The following PRKN variants were observed in gnomAD, a reference collection of about 807,000 sequenced individuals.
The protein encoded by PRKN is parkin RBR E3 ubiquitin protein ligase.
Under a neutral mutation model 59.5 loss-of-function variants are expected in PRKN, and 56 were observed. That is an observed-to-expected ratio of 0.94 (90% CI 0.76 to 1.18). The LOEUF (loss-of-function observed/expected upper bound fraction) is 1.18. PRKN is among the 50% of genes most tolerant of loss of function. PRKN has a pLI of 0.00. For missense variants in PRKN, 657 were observed against 596.4 expected (o/e 1.10, Z -1.06); for synonymous variants, 250 against 222.1 (o/e 1.13, Z -1.12).
At position 162,193,977 on chromosome 6, in the gene PRKN, T is replaced by G. The variant is rs573994244; in HGVS notation, c.534+7154A>C. Among the ~76,000 whole-genome samples the G allele has an allele frequency of 1.3e-4, 20 of 152,252 alleles. 1 individual carries two copies. The highest frequency in any genetic ancestry group is 1.2e-3 in the Admixed American group (18 of 15,282). On this transcript the variant is annotated intron_variant, in intron 4 of 11. Coordinates refer to ENST00000366898, the MANE Select transcript of PRKN (RefSeq NM_004562.3). Reference sequence around the variant, plus strand: ...ATAAAATACAGAAGATCCTAAAAGCTGATTAAAAGAAACATATTTTTGGTA... The same window carrying G: ...ATAAAATACAGAAGATCCTAAAAGCGGATTAAAAGAAACATATTTTTGGTA...
At chr6:161,842,347 C>T (rs1333736454) in intron 6 of PRKN, among the ~76,000 whole-genome samples, 1 of 151,686 alleles carries the variant, frequency 6.6e-6, no homozygotes, top group African/African-American at 2.4e-5. Flanking sequence ...AGCTAGGCAC[C>T]TGTAATCCCA....
At chr6:162,263,867 T>C (rs1043795847) in intron 2 of PRKN, among the ~76,000 whole-genome samples, 3 of 151,814 alleles carry the variant, frequency 2.0e-5, no homozygotes, top group African/African-American at 4.8e-5. Flanking sequence ...GGCAGGAGGA[T>C]CACTTGAACG....
At chr6:161,751,028 A>G (rs950742051) in intron 7 of PRKN, among the ~76,000 whole-genome samples, 2 of 152,204 alleles carry the variant, frequency 1.3e-5, no homozygotes, top group African/African-American at 4.8e-5. Context: ...TTCTCCCTAA[A>G]TATCATATAC....
intron 5 of PRKN, among the ~76,000 whole-genome samples, chr6:162,010,585 TATATATA>T (rs1782513771): frequency 1.7e-4 from 1 of 5,730 alleles, no homozygotes. Flanking sequence ...TGTATTATAT[TATATATA>T]ATATAATATA....
intron 2 of PRKN, among the ~76,000 whole-genome samples, chr6:162,356,549 G>C (rs561132798): frequency 6.7e-6 from 1 of 149,884 alleles, no homozygotes; most frequent in Non-Finnish European, 1.5e-5. Context: ...TTTTTTGCTT[G>C]GTCAAAACAA....
intron 4 of PRKN, among the ~76,000 whole-genome samples, chr6:162,140,505 T>A (rs1781732217): frequency 6.6e-6 from 1 of 152,120 alleles, no homozygotes; most frequent in Non-Finnish European, 1.5e-5. Flanking sequence ...AGAATGTGTG[T>A]GTGTATATGT....
chr6:161,779,778 AT>A (rs1183539737), intron 7 of PRKN, among the ~76,000 whole-genome samples: 2 of 151,906 alleles, frequency 1.3e-5, no homozygotes, highest in African/African-American at 4.8e-5. Flanking sequence ...TTTTGTTATC[AT>A]TTTATTTTAT....
In PRKN at chr6:161,413,501, G is replaced by A. The variant is rs1787688506; in HGVS notation, c.1084-26624C>T. Among the ~76,000 whole-genome samples the A allele has an allele frequency of 6.6e-6, 1 of 152,226 alleles. No individual in the cohort carries two copies. The highest frequency in any genetic ancestry group is 2.4e-5 in the African/African-American group (1 of 41,450). ...ATGGAAGCCAAGTGGGCATGCTGCA[G>A]TGAGAACTGGGGGAGAAGGCCGGAA... On this transcript the variant is annotated intron_variant, in intron 9 of 11. Coordinates refer to ENST00000366898, the MANE Select transcript of PRKN (RefSeq NM_004562.3). This position sits in a 1 kb window ranked among gnomAD's most constrained non-coding sequence, Gnocchi z 4.4.
In PRKN at chr6:161,545,341, C is replaced by T; in HGVS notation, c.1083+3513G>A. ...CCACATCTGGAACTCTGTAATTCTT[C>T]TATAGCTTTGCTACCAATGACTTTT... On this transcript the variant is annotated intron_variant, in intron 9 of 11. Transcript: ENST00000366898. The surrounding 1 kb of genome is among the most constrained non-coding windows in gnomAD (Gnocchi z 4.1). The T allele has an allele frequency of 6.9e-6, 11 of 1,602,902 alleles. No individual in the cohort carries two copies. Among genetic ancestry groups the T allele is most frequent in the Admixed American group, 1.7e-5 (1 of 58,478 alleles).
At chr6:161,968,005 GGACATTATCAGT>G (rs1001581946) in intron 6 of PRKN, among the ~76,000 whole-genome samples, 3 of 151,894 alleles carry the variant, frequency 2.0e-5, no homozygotes, top group African/African-American at 7.3e-5. Flanking sequence ...AGCCAGTGAT[GGACATTATCAGT>G]GTGGGGCCTT....
intron 1 of PRKN, among the ~76,000 whole-genome samples, chr6:162,476,604 G>A (rs1470837058): frequency 2.0e-5 from 3 of 152,282 alleles, no homozygotes; most frequent in East Asian, 1.9e-4. Flanking sequence ...AGCACAGCAT[G>A]AGGAAAGGAC....
chr6:161,975,067 T>C (rs186292463), intron 5 of PRKN, among the ~76,000 whole-genome samples: 7 of 151,644 alleles, frequency 4.6e-5, no homozygotes, highest in Admixed American at 2.0e-4. Context: ...GACATTAGGA[T>C]AGGCATGACA....
chr6:161,384,433 C>T (rs552294176), intron 10 of PRKN, among the ~76,000 whole-genome samples: 3 of 151,976 alleles, frequency 2.0e-5, no homozygotes, highest in African/African-American at 7.2e-5. Context: ...GTTCCAGTTA[C>T]TTGGGAGGCT....
intron 7 of PRKN, among the ~76,000 whole-genome samples, chr6:161,765,304 G>A (rs1051806714): frequency 2.6e-5 from 4 of 152,086 alleles, no homozygotes; most frequent in South Asian, 2.1e-4. Context: ...TAAATCATTC[G>A]CATAGTGGAA....
chr6:162,183,830 C>CT (rs1239071655), intron 4 of PRKN, among the ~76,000 whole-genome samples: 1 of 152,146 alleles, frequency 6.6e-6, no homozygotes, highest in Non-Finnish European at 1.5e-5. Context: ...AGCCAAGTAA[C>CT]TTTTTTCCAG....
chr6:162,546,333 C>A (rs1779116004), intron 1 of PRKN, among the ~76,000 whole-genome samples: 1 of 152,054 alleles, frequency 6.6e-6, no homozygotes, highest in Non-Finnish European at 1.5e-5. Flanking sequence ...GAACTCTTGA[C>A]CTCAAGTGAT....
intron 6 of PRKN, among the ~76,000 whole-genome samples, chr6:161,840,578 T>C (rs1487015490): frequency 6.6e-6 from 1 of 152,170 alleles, no homozygotes; most frequent in Non-Finnish European, 1.5e-5. Context: ...TCAGTTATGA[T>C]TTCTGAGCCT....
At chr6:162,320,725 G>A (rs547478816) in intron 2 of PRKN, among the ~76,000 whole-genome samples, 1 of 151,430 alleles carries the variant, frequency 6.6e-6, no homozygotes. Flanking sequence ...TCCACTCTTA[G>A]GTATTACCCA....
At chr6:162,377,203 T>G (rs907495817) in intron 2 of PRKN, among the ~76,000 whole-genome samples, 1 of 152,184 alleles carries the variant, frequency 6.6e-6, no homozygotes, top group African/African-American at 2.4e-5. Flanking sequence ...TCCGAGTAAC[T>G]TGGTTGAACT....
Sources: allele counts gnomAD v4.1 joint callset (sites outside exome capture counted in the v4.1 genomes callset), GRCh38; gene constraint gnomAD v4.1.1; non-coding constraint Gnocchi (gnomAD v3.1); transcripts MANE v1.5; gene names NCBI Gene and HGNC (gene_info 2026-07-23, HGNC 2026-07-21).